The following DKK3 variants were observed in gnomAD, a reference collection of about 807,000 sequenced individuals.
DKK3 encodes the protein dickkopf-related protein 3.
Under a neutral mutation model 33.2 loss-of-function variants are expected in DKK3, and 22 were observed. The observed-to-expected ratio is 0.66, with a 90% CI of 0.47 to 0.95. DKK3 has a LOEUF of 0.95. DKK3 is among the 40% of genes least tolerant of loss of function. The pLI is 0.00. For missense variants in DKK3, 398 were observed against 458.4 expected (o/e 0.87, Z 1.20); for synonymous variants, 194 against 188.8 (o/e 1.03, Z -0.23).
At chr11:11,988,682 T>C (rs927330786) in intron 3 of DKK3, among the ~76,000 whole-genome samples, 1 of 152,050 alleles carries the variant, frequency 6.6e-6, no homozygotes. Flanking sequence ...GAGGACACCA[T>C]GGAGGGGTAA....
In DKK3 at chr11:11,997,497, C is replaced by T. The variant is rs551535181; in HGVS notation, c.435+1199G>A. 3.3e-5 allele frequency among the ~76,000 whole-genome samples: 5 copies of T among 152,322 alleles called. 1 individual carries two copies. In the South Asian group the frequency reaches 1.0e-3, roughly 32 times the overall value. ...CCATCCCTGCCTTAGTTAACCTTGTCTTCGTTTCAGAGGCTTCTGTGCTGC... is the reference window on the plus strand; with the variant it reads ...CCATCCCTGCCTTAGTTAACCTTGTTTTCGTTTCAGAGGCTTCTGTGCTGC... On this transcript the variant is annotated intron_variant, in intron 3 of 6. Transcript: ENST00000683431.
In DKK3 at chr11:11,964,485, C is replaced by T. The variant is rs1345112051; in HGVS notation, c.1032G>A (p.Leu344=). The T allele has an allele frequency of 4.3e-6, 7 of 1,612,960 alleles. No homozygotes were observed. The highest frequency in any genetic ancestry group is 4.5e-5 in the East Asian group (2 of 44,876). The change falls in exon 7 of 7, where the codon CTG becomes CTA. Residue 344 remains leucine, a synonymous_variant. Transcript: ENST00000683431. Reference sequence around the variant, plus strand: ...AGATCTAAATCTCTTCCCCTCCCAGCAGTGCAGCGGCGGCAGCCGCAGGCT... The same window carrying T: ...AGATCTAAATCTCTTCCCCTCCCAGTAGTGCAGCGGCGGCAGCCGCAGGCT... The part of the protein sequence containing the change: ...LREPAAAAAA[L]LGGEEI
chr11:12,005,204 T>C (rs1055206543), intron 1 of DKK3, among the ~76,000 whole-genome samples: 7 of 152,232 alleles, frequency 4.6e-5, no homozygotes, highest in Non-Finnish European at 7.3e-5. Context: ...TATAAAACTT[T>C]TCCCCCCAGC....
chr11:11,965,777 G>C (rs1289262058), intron 6 of DKK3, 32 bp downstream of exon 6: 1 of 1,607,930 alleles, frequency 6.2e-7, no homozygotes, highest in African/African-American at 1.3e-5. Context: ...TCAGCCCTTG[G>C]CTCCCTGAGA....
In DKK3 at chr11:11,967,089, G is replaced by C. The variant is rs371884398; in HGVS notation, c.538C>G (p.Arg180Gly). ...TGGTCTCCACAGCACTCACTGTCCC[G>C]GGTGCAGAGCTGCAGACAGGTGGAA... Reference protein sequence around the residue: ...PCRGQRMLCTRDSECCGDQLC... With the variant: ...PCRGQRMLCTGDSECCGDQLC... The change falls in exon 5 of 7, where the codon CGG becomes GGG. Residue 180 changes from arginine to glycine, a missense_variant. Arg to Gly is a moderately radical substitution (Grantham distance 125). Coordinates refer to ENST00000683431, the MANE Select transcript of DKK3 (RefSeq NM_001018057.2). 2 of 1,613,466 alleles carry C rather than the reference G, an allele frequency of 1.2e-6. No individual in the cohort carries two copies. Among genetic ancestry groups the C allele is most frequent in the East Asian group, 2.2e-5 (1 of 44,872 alleles).
chr11:11,981,546 C>G (rs34375055), intron 3 of DKK3, among the ~76,000 whole-genome samples: 21,115 of 152,186 alleles, frequency 0.14, 1,890 homozygotes, highest in Middle Eastern at 0.22. Flanking sequence ...CCTTGCCAGC[C>G]TTCCTGCTGG....
intron 3 of DKK3, among the ~76,000 whole-genome samples, chr11:11,969,242 C>A (rs1414684791): frequency 6.6e-6 from 1 of 152,228 alleles, no homozygotes; most frequent in African/African-American, 2.4e-5. Context: ...AGAAGCAGGG[C>A]TGCTTCAGCT....
intron 4 of DKK3, among the ~76,000 whole-genome samples, chr11:11,967,764 G>A (rs1847633576): frequency 6.6e-6 from 1 of 152,228 alleles, no homozygotes; most frequent in African/African-American, 2.4e-5. Flanking sequence ...ATGCCTGTTG[G>A]GTGAAGAGTC....
At chr11:11,980,535 G>A (rs1420490794) in intron 3 of DKK3, among the ~76,000 whole-genome samples, 1 of 152,130 alleles carries the variant, frequency 6.6e-6, no homozygotes, top group Non-Finnish European at 1.5e-5. Context: ...GACCTCCCTA[G>A]GACCCAGATT....
At chr11:11,982,589 A>T (rs1055401395) in intron 3 of DKK3, among the ~76,000 whole-genome samples, 2 of 152,180 alleles carry the variant, frequency 1.3e-5, no homozygotes, top group African/African-American at 4.8e-5. Context: ...CTCAGAGCTG[A>T]CATCTGCCCC....
upstream of DKK3, chr11:12,009,358 C>G (rs1848611996): frequency 1.0e-6 from 1 of 963,416 alleles, no homozygotes; most frequent in Non-Finnish European, 1.2e-6. Context: ...GCCCACCAGG[C>G]TCCCTCTCCG....
chr11:11,982,291 C>T (rs1278161527), intron 3 of DKK3, among the ~76,000 whole-genome samples: 1 of 152,054 alleles, frequency 6.6e-6, no homozygotes, highest in East Asian at 1.9e-4. Flanking sequence ...GGGGAGATGA[C>T]AGGCCCTGCT....
At chr11:12,005,647 G>C (rs1444270256) in intron 1 of DKK3, among the ~76,000 whole-genome samples, 2 of 152,216 alleles carry the variant, frequency 1.3e-5, no homozygotes, top group South Asian at 4.1e-4. Context: ...GCTTGATTCA[G>C]CTGGAACATT....
Position 12,008,509 on chromosome 11 carries a change from G to A in DKK3, c.74C>T (p.Pro25Leu). 1 of 1,588,034 alleles carries A rather than the reference G, an allele frequency of 6.3e-7. No individual in the cohort carries two copies. Residue 25 changes from proline to leucine, a missense_variant, in exon 1 of 7, where the codon CCG (proline) becomes CTG (leucine). By Grantham distance (98) the Pro-to-Leu change is moderately conservative. Transcript: ENST00000683431. The surrounding 1 kb of genome is among the most constrained non-coding windows in gnomAD (Gnocchi z 4.6). ...AAVPTAPAPA[P>L]TATSAPVKPG... ...CTTGACTGGAGCCGAGGTCGCCGTCGGAGCGGGCGCGGGGGCCGTGGGGAC... is the reference window on the plus strand; with the variant it reads ...CTTGACTGGAGCCGAGGTCGCCGTCAGAGCGGGCGCGGGGGCCGTGGGGAC...
intron 6 of DKK3, 103 bp from the exon 7 acceptor site, chr11:11,964,789 C>G: frequency 6.6e-7 from 1 of 1,526,006 alleles, no homozygotes; most frequent in South Asian, 1.2e-5. Flanking sequence ...CACCTTCATG[C>G]CCCCTCCTCT....
At chr11:11,977,141 T>C (rs1177684507) in intron 3 of DKK3, among the ~76,000 whole-genome samples, 2 of 152,134 alleles carry the variant, frequency 1.3e-5, no homozygotes, top group Admixed American at 1.3e-4. Flanking sequence ...CAAGTCACAC[T>C]GCCCAGGAAA....
At chr11:12,006,170 A>T (rs1245396108) in intron 1 of DKK3, among the ~76,000 whole-genome samples, 5 of 152,188 alleles carry the variant, frequency 3.3e-5, no homozygotes, top group Admixed American at 3.3e-4. Flanking sequence ...AGCTCAATTT[A>T]ATGTGAAGCT....
chr11:12,009,332 A>G (rs987533516), upstream of DKK3: 5 of 977,542 alleles, frequency 5.1e-6, no homozygotes, highest in Admixed American at 3.3e-4. Flanking sequence ...GGGAGCCCGC[A>G]AGACGCGCCC....
At position 12,008,422 on chromosome 11, in the gene DKK3, AC is replaced by A; in HGVS notation, c.160del (p.Val54LeufsTer4). 6.2e-7 allele frequency: 1 copy of A among 1,609,378 alleles called. No homozygotes were observed. The highest frequency in any genetic ancestry group is 1.7e-5 in the Admixed American group (1 of 59,754). Reference sequence around the variant, plus strand: ...CTGCGTGTCCTCCATCAGTTCCTCAACCTCGCGGAACATCTCATTGAGGGTG... The same window carrying A: ...CTGCGTGTCCTCCATCAGTTCCTCAACTCGCGGAACATCTCATTGAGGGTG... ...EATLNEMFRE[V>X]EELMEDTQHK... On this transcript the variant is annotated frameshift_variant, in exon 1 of 7. Coordinates refer to ENST00000683431, the MANE Select transcript of DKK3 (RefSeq NM_001018057.2). LOFTEE classifies it high-confidence loss of function. This position sits in a 1 kb window ranked among gnomAD's most constrained non-coding sequence, Gnocchi z 4.6.
Sources: allele counts gnomAD v4.1 joint callset (sites outside exome capture counted in the v4.1 genomes callset), GRCh38; gene constraint gnomAD v4.1.1; non-coding constraint Gnocchi (gnomAD v3.1); transcripts MANE v1.5; gene names NCBI Gene and HGNC (gene_info 2026-07-23, HGNC 2026-07-21).